Variants in ADAMTS2 observed in about 807,000 individuals in gnomAD.
ADAMTS2 encodes the protein ADAM metallopeptidase with thrombospondin type 1 motif 2.
A neutral mutation model predicts 123.0 loss-of-function variants in ADAMTS2; 50 were observed. The ratio of observed to expected loss-of-function variants is 0.41; its 90% CI spans 0.32 to 0.51. The LOEUF is 0.51. Among genes scored for constraint, ADAMTS2 ranks in the 20% least tolerant of loss-of-function variants. The pLI is 0.35. For missense variants in ADAMTS2, 1,494 were observed against 1,705.2 expected, an observed-to-expected ratio of 0.88 and a Z score of 2.18; for synonymous variants, 678 against 695.4, an observed-to-expected ratio of 0.98 and a Z score of 0.39.
chr5:179,333,596 G>GTTTTTTTTTTT lies in ADAMTS2; in HGVS notation c.534+10160_534+10170dup, dbSNP rs1219136980. 8.0e-4 allele frequency among the ~76,000 whole-genome samples: 85 copies of GTTTTTTTTTTT among 105,874 alleles called. 1 individual carries two copies. Among genetic ancestry groups the GTTTTTTTTTTT allele is most frequent in the Non-Finnish European group, 1.1e-3 (61 of 54,752 alleles). The allele number at this position is 105,874 out of a possible 152,430, so 69.5% of individuals were successfully genotyped here. A position where few individuals can be genotyped will look rare whatever the true frequency, so the allele number is the denominator to read the frequency against. On this transcript the variant is annotated intron_variant, in intron 2 of 21. Coordinates refer to ENST00000251582, the MANE Select transcript of ADAMTS2 (RefSeq NM_014244.5). ...CAAGCCACAGATTTGGTTTTTTTCT[G>GTTTTTTTTTTT]TTTTTTTTTTTTTTTTTTTTTTTAG...
intron 4 of ADAMTS2, among the ~76,000 whole-genome samples, chr5:179,196,330 A>C (rs1764431185): frequency 6.6e-6 from 1 of 152,192 alleles, no homozygotes; most frequent in African/African-American, 2.4e-5. Context: ...GCCGCGACTG[A>C]AGGCGCAGAA....
chr5:179,160,935 G>A (rs146300023), intron 5 of ADAMTS2, among the ~76,000 whole-genome samples: 40 of 152,252 alleles, frequency 2.6e-4, no homozygotes, highest in African/African-American at 8.2e-4. Flanking sequence ...TTTCTGGCAC[G>A]AGATCTGGCA....
chr5:179,190,437 G>A (rs1050429734), intron 4 of ADAMTS2, among the ~76,000 whole-genome samples: 4 of 150,682 alleles, frequency 2.7e-5, no homozygotes, highest in Non-Finnish European at 4.4e-5. Context: ...CTAAACGGAA[G>A]ACACAGCGTC....
chr5:179,280,797 C>T (rs1036940159), intron 2 of ADAMTS2, among the ~76,000 whole-genome samples: 4 of 152,226 alleles, frequency 2.6e-5, no homozygotes, highest in African/African-American at 9.6e-5. Flanking sequence ...CCCCTCGACT[C>T]AACCAGAGAG....
chr5:179,119,569 G>C (rs1424551380), intron 21 of ADAMTS2, among the ~76,000 whole-genome samples: 1 of 152,238 alleles, frequency 6.6e-6, no homozygotes, highest in Non-Finnish European at 1.5e-5. Flanking sequence ...TGCCTGGGAA[G>C]ACCTTGGAAG....
chr5:179,207,471 A>ACCCACCCCCCCCCCCCCCCCCCCCCC, intron 4 of ADAMTS2, 42 bp downstream of exon 4: 2 of 1,026,474 alleles, frequency 1.9e-6, no homozygotes, highest in Non-Finnish European at 3.0e-6. Context: ...CCCCTGGTTG[A>ACCCACCCCCCCCCCCCCCCCCCCCCC]CCCTCCCCGC....
Position 179,217,809 on chromosome 5 carries a change from ACACT to A in ADAMTS2, c.689-10098_689-10095del, listed in dbSNP as rs1259848834. Among the ~76,000 whole-genome samples, 53 of 70,202 alleles carry A rather than the reference ACACT, an allele frequency of 7.5e-4. 3 individuals are homozygous for A. The South Asian group carries it at 0.014, about 19-fold the overall frequency. 46.1% of individuals were successfully genotyped at this position (70,202 alleles called of 152,430 possible). On this transcript the variant is annotated intron_variant, in intron 3 of 21. Coordinates refer to ENST00000251582, the MANE Select transcript of ADAMTS2 (RefSeq NM_014244.5). Reference sequence around the variant, plus strand: ...GGGATGGCGCAAGGGGGGGATGGGCACACTCACTAGGGGATGGCCTGAGGGCAGA... The same window carrying A: ...GGGATGGCGCAAGGGGGGGATGGGCACACTAGGGGATGGCCTGAGGGCAGA...
intron 3 of ADAMTS2, among the ~76,000 whole-genome samples, chr5:179,209,694 A>G (rs1764807414): frequency 6.6e-6 from 1 of 152,182 alleles, no homozygotes; most frequent in African/African-American, 2.4e-5. Flanking sequence ...GGAGCCGAGC[A>G]GTCCACTTAG....
chr5:179,178,428 G>A (rs190719152), intron 5 of ADAMTS2, among the ~76,000 whole-genome samples: 141 of 152,356 alleles, frequency 9.3e-4, no homozygotes, highest in African/African-American at 3.2e-3. Flanking sequence ...CACTGGCAGA[G>A]GATGCCCTGC....
Position 179,175,489 on chromosome 5 carries a change from A to G in ADAMTS2, c.975+5583T>C, listed in dbSNP as rs1349428894. 2.6e-5 allele frequency among the ~76,000 whole-genome samples: 4 copies of G among 152,172 alleles called. No homozygotes were observed. The highest frequency in any genetic ancestry group is 5.9e-5 in the Non-Finnish European group (4 of 68,030). On this transcript the variant is annotated intron_variant, in intron 5 of 21. Coordinates refer to ENST00000251582, the MANE Select transcript of ADAMTS2 (RefSeq NM_014244.5). The surrounding 1 kb of genome is among the most constrained non-coding windows in gnomAD (Gnocchi z 4.1). Reference sequence around the variant, plus strand: ...ATTAATCAGGTACAATTTCCTTCCAATGGGTCCATTGTCTTGTCAGGACTA... The same window carrying G: ...ATTAATCAGGTACAATTTCCTTCCAGTGGGTCCATTGTCTTGTCAGGACTA...
At chr5:179,273,214 G>A in intron 2 of ADAMTS2, 150 bp from the exon 3 acceptor site, 1 of 1,286,398 alleles carries the variant, frequency 7.8e-7, no homozygotes, top group Non-Finnish European at 1.1e-6. Flanking sequence ...GGGCTGGCCG[G>A]AGGGTATGAA....
In ADAMTS2 at chr5:179,128,056, T is replaced by C. The variant is rs1349456036; in HGVS notation, c.2520A>G (p.Ser840=). The change falls in exon 17 of 22, where the codon TCA becomes TCG. Residue 840 remains serine (S), a synonymous_variant. Coordinates refer to ENST00000251582, the MANE Select transcript of ADAMTS2 (RefSeq NM_014244.5). The surrounding 1 kb of genome is among the most constrained non-coding windows in gnomAD (Gnocchi z 4.9). ...GGACGTTGTTGTCGTCGACATTCAG[T>C]GAGTCCTCATGGATCATGTATTTGT... The part of the protein sequence containing the change: ...LTYKYMIHED[S]LNVDDNNVLE... The C allele has an allele frequency of 6.2e-7, 1 of 1,613,940 alleles. No homozygotes were observed. The highest frequency in any genetic ancestry group is 8.5e-7 in the Non-Finnish European group (1 of 1,180,044).
intron 2 of ADAMTS2, among the ~76,000 whole-genome samples, chr5:179,326,466 G>T (rs368316237): frequency 2.8e-4 from 38 of 136,514 alleles, no homozygotes; most frequent in African/African-American, 9.9e-4. Context: ...ATCCTACCCC[G>T]GCCTGTGCCC....
intron 17 of ADAMTS2, among the ~76,000 whole-genome samples, chr5:179,126,768 G>A (rs1359745628): frequency 6.6e-6 from 1 of 152,224 alleles, no homozygotes; most frequent in African/African-American, 2.4e-5. Flanking sequence ...AAAGCATGGA[G>A]ATAAAGCCTG....
In ADAMTS2 at chr5:179,181,868, G is replaced by A. The variant is rs1021087714; in HGVS notation, c.892-713C>T. Reference sequence around the variant, plus strand: ...GGACCCGTGGCACAAAAACAGGGGGGTGAACTCCCCTTCTACAGAACACAG... The same window carrying A: ...GGACCCGTGGCACAAAAACAGGGGGATGAACTCCCCTTCTACAGAACACAG... On this transcript the variant is annotated intron_variant, in intron 4 of 21. Coordinates refer to ENST00000251582, the MANE Select transcript of ADAMTS2 (RefSeq NM_014244.5). This position sits in a 1 kb window ranked among gnomAD's most constrained non-coding sequence, Gnocchi z 4.1. 6.6e-6 allele frequency among the ~76,000 whole-genome samples: 1 copy of A among 152,124 alleles called. No homozygotes were observed. Among genetic ancestry groups the A allele is most frequent in the African/African-American group, 2.4e-5 (1 of 41,406 alleles).
rs986418591 is a variant in ADAMTS2, at chr5:179,170,796, G to A, written c.975+10276C>T. ...GACACAGGGCTCCTCTCCCCTCCTCGTTCATGCACCTCCCTGGGATTAAAC... is the reference window on the plus strand; with the variant it reads ...GACACAGGGCTCCTCTCCCCTCCTCATTCATGCACCTCCCTGGGATTAAAC... On this transcript the variant is annotated intron_variant, in intron 5 of 21. Transcript: ENST00000251582. The surrounding 1 kb of genome is among the most constrained non-coding windows in gnomAD (Gnocchi z 4.3). Among the ~76,000 whole-genome samples, 2 of 152,060 alleles carry A rather than the reference G, an allele frequency of 1.3e-5. No individual in the cohort carries two copies. The highest frequency in any genetic ancestry group is 4.8e-5 in the African/African-American group (2 of 41,404).
chr5:179,289,015 T>A (rs556592560), intron 2 of ADAMTS2, among the ~76,000 whole-genome samples: 1 of 152,276 alleles, frequency 6.6e-6, no homozygotes, highest in East Asian at 1.9e-4. Flanking sequence ...GGTGAGCAGG[T>A]GGCAGCTCCA....
chr5:179,199,544 G>A (rs1440553791), intron 4 of ADAMTS2, among the ~76,000 whole-genome samples: 1 of 152,196 alleles, frequency 6.6e-6, no homozygotes, highest in Non-Finnish European at 1.5e-5. Context: ...TACTTCCCCA[G>A]ACGCCCTGGC....
rs905570024 is a variant in ADAMTS2 at position 179,262,209 on chromosome 5, G to A, written c.688+10702C>T. Among the ~76,000 whole-genome samples the A allele has an allele frequency of 6.0e-5, 9 of 149,878 alleles. No individual in the cohort carries two copies. The Middle Eastern group carries it at 0.01, about 170-fold the overall frequency. On this transcript the variant is annotated intron_variant, in intron 3 of 21. Transcript: ENST00000251582. The surrounding 1 kb of genome is among the most constrained non-coding windows in gnomAD (Gnocchi z 5.9). ...GCCACCCCCACCAGCACACCTGCCC[G>A]GCCACCCCCACCAGCACACCTGCCC... is the stretch of plus-strand genomic sequence containing the variant.
Sources: gnomAD v4.1 joint callset for allele counts (sites outside exome capture counted in the v4.1 genomes callset) on GRCh38, gnomAD v4.1.1 for gene constraint, Gnocchi (gnomAD v3.1) non-coding constraint, MANE v1.5 for transcripts, NCBI Gene and HGNC (gene_info 2026-07-23, HGNC 2026-07-21) for gene names.